SEMA6D: variants seen among roughly 807,000 people sequenced by gnomAD.
SEMA6D encodes semaphorin-6D.
In SEMA6D, 35 loss-of-function variants were observed where a neutral mutation model predicts 106.6. That is an observed-to-expected ratio of 0.33 (90% confidence interval 0.25 to 0.44). SEMA6D has a LOEUF of 0.44. SEMA6D is among the 20% of genes least tolerant of loss of function. The pLI is 1.00. For missense variants in SEMA6D, 1,185 were observed against 1,345.9 expected (o/e 0.88, Z 1.87); for synonymous variants, 499 against 487.7 (o/e 1.02, Z -0.31).
intron 1 of SEMA6D, among the ~76,000 whole-genome samples, chr15:47,735,698 T>C (rs897665856): frequency 1.3e-5 from 2 of 152,316 alleles, no homozygotes; most frequent in African/African-American, 2.4e-5. Flanking sequence ...GTGTCTCTAA[T>C]CACCCGCCTA....
At chr15:47,314,612 A>AC (rs2036575571) in intron 1 of SEMA6D, among the ~76,000 whole-genome samples, 2 of 144,768 alleles carry the variant, frequency 1.4e-5, no homozygotes, top group Non-Finnish European at 3.1e-5. Context: ...AAAAAAAAAA[A>AC]AAAAAAGAAT....
intron 3 of SEMA6D, among the ~76,000 whole-genome samples, chr15:47,540,891 G>A (rs2045334969): frequency 6.6e-6 from 1 of 152,116 alleles, no homozygotes; most frequent in Non-Finnish European, 1.5e-5. Flanking sequence ...TAAAAGCTGA[G>A]AACTGTAAGC....
intron 1 of SEMA6D, among the ~76,000 whole-genome samples, chr15:47,723,253 G>A (rs575307556): frequency 8.6e-5 from 13 of 151,982 alleles, no homozygotes; most frequent in South Asian, 2.1e-4. Flanking sequence ...TCCATTGGCC[G>A]TATAATTATT....
chr15:47,764,384 CT>C (rs2082224372), intron 11 of SEMA6D, 79 bp downstream of exon 11: 23 of 1,508,976 alleles, frequency 1.5e-5, no homozygotes, highest in Non-Finnish European at 2.1e-5. Flanking sequence ...CAGGGAGCAG[CT>C]TGGCCAACCT....
At chr15:47,261,312 G>C (rs1024034107) in intron 1 of SEMA6D, among the ~76,000 whole-genome samples, 6 of 152,130 alleles carry the variant, frequency 3.9e-5, no homozygotes, top group African/African-American at 1.4e-4. Context: ...GACCTGCCAG[G>C]TTAGGTGAAT....
chr15:47,746,988 A>ATATATATATATATATATATATATATAT (rs1442059279), intron 1 of SEMA6D, among the ~76,000 whole-genome samples: 1 of 147,974 alleles, frequency 6.8e-6, no homozygotes, highest in African/African-American at 2.4e-5. Context: ...GTGTGTGTAT[A>ATATATATATATATATATATATATATAT]TATATATATA....
At chr15:47,583,212 C>T (rs760590517) in intron 3 of SEMA6D, among the ~76,000 whole-genome samples, 22 of 152,190 alleles carry the variant, frequency 1.4e-4, no homozygotes, top group Non-Finnish European at 2.5e-4. Context: ...TTCCATGGCC[C>T]ACTCTAGACC....
In SEMA6D at chr15:47,672,414, A is replaced by G. The variant is rs1318155265; in HGVS notation, c.-55+71518A>G. On this transcript the variant is annotated intron_variant, in intron 4 of 19. Coordinates refer to the SEMA6D transcript ENST00000558014. ...TTGACTACAGACCACAAAAGCTTATAAGAGAAGAAAAAGCCGAAGTTATAC... is the reference window on the plus strand; with the variant it reads ...TTGACTACAGACCACAAAAGCTTATGAGAGAAGAAAAAGCCGAAGTTATAC... Among the ~76,000 whole-genome samples the G allele has an allele frequency of 4.6e-5, 7 of 152,256 alleles. 1 individual carries two copies. Among genetic ancestry groups the G allele is most frequent in the Admixed American group, 4.6e-4 (7 of 15,288 alleles).
At chr15:47,682,459 A>T (rs908977345) in intron 4 of SEMA6D, among the ~76,000 whole-genome samples, 2 of 151,986 alleles carry the variant, frequency 1.3e-5, no homozygotes, top group African/African-American at 4.8e-5. Flanking sequence ...GAGCCACCGC[A>T]CACAGCCAAC....
chr15:47,698,304 A>C (rs1405741872), intron 4 of SEMA6D, among the ~76,000 whole-genome samples: 4 of 152,246 alleles, frequency 2.6e-5, no homozygotes, highest in Non-Finnish European at 4.4e-5. Flanking sequence ...GAGATGAGAA[A>C]AAAAGGGCCA....
chr15:47,531,667 T>C (rs2044972795), intron 3 of SEMA6D, among the ~76,000 whole-genome samples: 1 of 152,060 alleles, frequency 6.6e-6, no homozygotes, highest in Non-Finnish European at 1.5e-5. Context: ...ATTACCAGTC[T>C]CCCCCCAGAC....
At chr15:47,622,515 C>G (rs1454284376) in intron 4 of SEMA6D, among the ~76,000 whole-genome samples, 1 of 152,160 alleles carries the variant, frequency 6.6e-6, no homozygotes, top group Non-Finnish European at 1.5e-5. Context: ...TTTAATGCAT[C>G]TCTTCAACTT....
chr15:47,668,331 T>TGGACAGACAAAAAC (rs1258901195), intron 4 of SEMA6D, among the ~76,000 whole-genome samples: 1 of 152,194 alleles, frequency 6.6e-6, no homozygotes, highest in East Asian at 1.9e-4. Flanking sequence ...CTGGAAAACA[T>TGGACAGACAAAAAC]TAAGACAAAA....
chr15:47,460,279 CT>C (rs751219018), intron 2 of SEMA6D, among the ~76,000 whole-genome samples: 1 of 152,038 alleles, frequency 6.6e-6, no homozygotes, highest in East Asian at 1.9e-4. Flanking sequence ...TCAGAAATTA[CT>C]TTTTGTCTCA....
At chr15:47,496,900 A>G (rs1021748424) in intron 3 of SEMA6D, among the ~76,000 whole-genome samples, 2 of 152,002 alleles carry the variant, frequency 1.3e-5, no homozygotes, top group South Asian at 4.1e-4. Flanking sequence ...TCAAAAATGA[A>G]CACTACTTTT....
At chr15:47,222,428 C>CCT (rs1427550208) in intron 1 of SEMA6D, among the ~76,000 whole-genome samples, 6 of 152,168 alleles carry the variant, frequency 3.9e-5, no homozygotes, top group African/African-American at 1.4e-4. Context: ...ACTACTCTTG[C>CCT]CATCCACTAC....
intron 1 of SEMA6D, among the ~76,000 whole-genome samples, chr15:47,748,807 G>A (rs1167141673): frequency 1.3e-5 from 2 of 152,196 alleles, no homozygotes; most frequent in Non-Finnish European, 2.9e-5. Flanking sequence ...CTTTTGGACA[G>A]GGATGTAACA....
intron 4 of SEMA6D, among the ~76,000 whole-genome samples, chr15:47,621,304 A>G (rs2077094155): frequency 1.3e-5 from 2 of 152,204 alleles, no homozygotes; most frequent in Non-Finnish European, 2.9e-5. Context: ...GCCAAATGTC[A>G]TAAACTGCAG....
At chr15:47,213,052 G>C (rs147216976) in intron 1 of SEMA6D, among the ~76,000 whole-genome samples, 324 of 132,128 alleles carry the variant, frequency 2.5e-3, no homozygotes, top group Middle Eastern at 4.5e-3. Flanking sequence ...CTATCCAAGA[G>C]AACTTTCTGA....
Sources: gnomAD v4.1 joint callset for allele counts (sites outside exome capture counted in the v4.1 genomes callset) on GRCh38, gnomAD v4.1.1 for gene constraint, MANE v1.5 for transcripts, NCBI Gene and HGNC (gene_info 2026-07-23, HGNC 2026-07-21) for gene names.